Variants in CHCHD10 observed in about 807,000 individuals in gnomAD.
The protein encoded by CHCHD10 is coiled-coil-helix-coiled-coil-helix domain containing 10, also known as coiled-coil-helix-coiled-coil-helix domain-containing protein 10, mitochondrial.
A neutral mutation model predicts 14.8 loss-of-function variants in CHCHD10; 10 were observed. That is an observed-to-expected ratio of 0.67 (90% CI 0.42 to 1.14). CHCHD10 has a LOEUF of 1.14. Among genes scored for constraint, CHCHD10 ranks in the 50% most tolerant of loss-of-function variants. CHCHD10 has a pLI of 0.00. For synonymous variants in CHCHD10, 90 were observed against 85.2 expected (o/e 1.06, Z -0.31); for missense variants, 203 against 196.9 (o/e 1.03, Z -0.19).
At position 23,766,250 on chromosome 22, in the gene CHCHD10, G is replaced by T; in HGVS notation, c.287C>A (p.Pro96His). ...GTAGGCGCAGGGCCCCATCTGCAGG[G>T]GCTGGGGGGCAGCGGGGGTGGGGGC... ...QQAPTPAAPQ[P>H]LQMGPCAYEI... The change falls in exon 3 of 4, where the codon CCC becomes CAC. Residue 96 changes from proline (P) to histidine (H), a missense_variant. Coordinates refer to ENST00000484558, the MANE Select transcript of CHCHD10 (RefSeq NM_213720.3). The T allele has an allele frequency of 1.3e-6, 2 of 1,552,626 alleles. No homozygotes were observed. Among genetic ancestry groups the T allele is most frequent in the Non-Finnish European group, 1.7e-6 (2 of 1,148,780 alleles).
chr22:23,767,329 C>A, intron 2 of CHCHD10, 45 bp downstream of exon 2: 1 of 1,523,274 alleles, frequency 6.6e-7, no homozygotes, highest in East Asian at 2.3e-5. Flanking sequence ...CCCTGTGTGG[C>A]CTCGAGATAA....
At position 23,765,944 on chromosome 22, in the gene CHCHD10, T is replaced by C. The variant is rs1444736666; in HGVS notation, c.*63A>G. On this transcript the variant is annotated 3_prime_UTR_variant, in exon 4 of 4. Coordinates refer to ENST00000484558, the MANE Select transcript of CHCHD10 (RefSeq NM_213720.3). Reference sequence around the variant, plus strand: ...ATCTGGGTACAATCTGGTGTTGTGGTCTGGCTGTCGGCGAGGGGTAGAGGT... The same window carrying C: ...ATCTGGGTACAATCTGGTGTTGTGGCCTGGCTGTCGGCGAGGGGTAGAGGT... 40 of 1,611,098 alleles carry C rather than the reference T, an allele frequency of 2.5e-5. No individual in the cohort carries two copies. The highest frequency in any genetic ancestry group is 3.3e-5 in the Non-Finnish European group (39 of 1,178,404).
chr22:23,766,114 G>A lies in CHCHD10; in HGVS notation c.409+14C>T. The A allele has an allele frequency of 6.2e-7, 1 of 1,613,506 alleles. No homozygotes were observed. The highest frequency in any genetic ancestry group is 8.5e-7 in the Non-Finnish European group (1 of 1,179,722). ...TCTCCCCCTCCCCGCCTGAGTCGGG[G>A]TCCACTCACTCACCATGGTAGTACT... On this transcript the variant is annotated intron_variant, in intron 3 of 3. Coordinates refer to ENST00000484558, the MANE Select transcript of CHCHD10 (RefSeq NM_213720.3).
rs1569151523 is a variant in CHCHD10 at position 23,767,892 on chromosome 22, C to G, written c.-18G>C. ...CGAGGCATGGTGGCGGCGGTGGGAC[C>G]CGGGCGACCTTAGAGACGGCGGCAG... is the stretch of plus-strand genomic sequence containing the variant. On this transcript the variant is annotated 5_prime_UTR_variant, in exon 1 of 4. Coordinates refer to ENST00000484558, the MANE Select transcript of CHCHD10 (RefSeq NM_213720.3). 2 of 1,505,190 alleles carry G rather than the reference C, an allele frequency of 1.3e-6. No individual in the cohort carries two copies. Among genetic ancestry groups the G allele is most frequent in the South Asian group, 2.5e-5 (2 of 79,842 alleles). The allele number at this position is 1,505,190 out of a possible 1,614,324, so 93.2% of individuals were successfully genotyped here.
rs572584379 is a variant in CHCHD10, at chr22:23,766,619, A to T, written c.262-344T>A. On this transcript the variant is annotated intron_variant, in intron 2 of 3. Coordinates refer to ENST00000484558, the MANE Select transcript of CHCHD10 (RefSeq NM_213720.3). ...AGGCGCCCGCCACCATGCCCAACAA[A>T]TTTTTTGTATTTTTAGTAGAGAGGG... 1.5e-3 allele frequency among the ~76,000 whole-genome samples: 235 copies of T among 151,770 alleles called. 1 individual carries two copies. The highest frequency in any genetic ancestry group is 2.8e-3 in the Non-Finnish European group (192 of 67,912).
chr22:23,766,299 G>A (rs1384941982), intron 2 of CHCHD10, 24 bp from the exon 3 acceptor site: 22 of 1,536,646 alleles, frequency 1.4e-5, no homozygotes, highest in Non-Finnish European at 1.8e-5. Context: ...GCAAGAGGCT[G>A]CAGGATCAGC....
chr22:23,767,483 G>T lies in CHCHD10; in HGVS notation c.152C>A (p.Thr51Lys). Reference sequence around the variant, plus strand: ...CGAGCCCACGGCTACCCCTGCGGCCGTGGTCGCCATCTGAGCCATGAGCCC... The same window carrying T: ...CGAGCCCACGGCTACCCCTGCGGCCTTGGTCGCCATCTGAGCCATGAGCCC... ...QPGLMAQMAT[T>K]AAGVAVGSAV... The change falls in exon 2 of 4, where the codon ACG becomes AAG. Residue 51 changes from threonine to lysine, a missense_variant. By Grantham distance (78) the Thr-to-Lys change is moderately conservative. Coordinates refer to ENST00000484558, the MANE Select transcript of CHCHD10 (RefSeq NM_213720.3). The T allele has an allele frequency of 6.3e-7, 1 of 1,579,694 alleles. No individual in the cohort carries two copies. The highest frequency in any genetic ancestry group is 8.6e-7 in the Non-Finnish European group (1 of 1,164,908).
rs762151939 is a variant in CHCHD10, at chr22:23,766,027, C to G, written c.410-1G>C. On this transcript the variant is annotated splice_acceptor_variant, in intron 3 of 3. Transcript: ENST00000484558. LOFTEE classifies it high-confidence loss of function. ...CCTCTTCAGGGCAGGGAGCTCAGAC[C>G]TGGGAAGGGAGGGGCAGCACAGGCT... 7 of 1,613,762 alleles carry G rather than the reference C, an allele frequency of 4.3e-6. No homozygotes were observed. In the South Asian group the frequency reaches 6.6e-5, roughly 15 times the overall value.
At position 23,767,586 on chromosome 22, in the gene CHCHD10, C is replaced by T; in HGVS notation, c.49G>A (p.Ala17Thr). ...SAASRPASRP[A>T]APSAHPPAHP... ...GCGGGCGGGTGGGCAGAGGGCGCGG[C>T]TGGGCGGCTGCGGGGGTGGGAGGAA... is the stretch of plus-strand genomic sequence containing the variant. The change falls in exon 2 of 4, where the codon GCC (alanine) becomes ACC (threonine). Residue 17 changes from alanine (A) to threonine (T), a missense_variant. Transcript: ENST00000484558. The T allele has an allele frequency of 9.7e-7, 1 of 1,034,202 alleles. No individual in the cohort carries two copies. The highest frequency in any genetic ancestry group is 3.3e-5 in the East Asian group (1 of 30,436). The allele number at this position is 1,034,202 out of a possible 1,614,324, so 64.1% of individuals were successfully genotyped here.
At chr22:23,766,073 A>C (rs1477649044) in intron 3 of CHCHD10, 47 bp from the exon 4 acceptor site, 1 of 1,612,856 alleles carries the variant, frequency 6.2e-7, no homozygotes, top group Non-Finnish European at 8.5e-7. Context: ...CTGCAGGTGC[A>C]AGAGGAGGGT....
At position 23,765,887 on chromosome 22, in the gene CHCHD10, G is replaced by A; in HGVS notation, c.*120C>T. 1 of 1,563,812 alleles carries A rather than the reference G, an allele frequency of 6.4e-7. No homozygotes were observed. The highest frequency in any genetic ancestry group is 1.1e-5 in the South Asian group (1 of 88,242). ...CATTTGTGTCTTGGGTTATCTGTGG[G>A]GTGAGAAACCTCCTCACTTCCAATC... On this transcript the variant is annotated 3_prime_UTR_variant, in exon 4 of 4. Transcript: ENST00000484558.
chr22:23,766,277 T>G lies in CHCHD10; in HGVS notation c.262-2A>C. ...CTGGGGGGCAGCGGGGGTGGGGGCCTGGGGGTACAGTGCAAGAGGCTGCAG... is the reference window on the plus strand; with the variant it reads ...CTGGGGGGCAGCGGGGGTGGGGGCCGGGGGGTACAGTGCAAGAGGCTGCAG... On this transcript the variant is annotated splice_acceptor_variant, in intron 2 of 3. Transcript: ENST00000484558. LOFTEE classifies it high-confidence loss of function. The G allele has an allele frequency of 1.3e-6, 2 of 1,544,928 alleles. No individual in the cohort carries two copies. The highest frequency in any genetic ancestry group is 8.7e-7 in the Non-Finnish European group (1 of 1,145,184).
chr22:23,767,076 AGGGTGAGGTGACCTT>A (rs1926891044), intron 2 of CHCHD10, among the ~76,000 whole-genome samples: 2 of 152,292 alleles, frequency 1.3e-5, no homozygotes, highest in Admixed American at 1.3e-4. Flanking sequence ...CCCCTCTGCT[AGGGTGAGGTGACCTT>A]GGGCGAGTCT....
At position 23,767,517 on chromosome 22, in the gene CHCHD10, C is replaced by T; in HGVS notation, c.118G>A (p.Gly40Ser). The T allele has an allele frequency of 6.6e-7, 1 of 1,513,030 alleles. No individual in the cohort carries two copies. The highest frequency in any genetic ancestry group is 2.3e-4 in the Middle Eastern group (1 of 4,268). The allele number at this position is 1,513,030 out of a possible 1,614,324, so 93.7% of individuals were successfully genotyped here. A position where few individuals can be genotyped will look rare whatever the true frequency, so the allele number is the denominator to read the frequency against. ...SAAAPAPAPSGQPGLMAQMAT... is the reference protein window; with the variant it reads ...SAAAPAPAPSSQPGLMAQMAT... ...ATCTGAGCCATGAGCCCCGGCTGGC[C>T]CGAAGGGGCGGGGGCTGGGGCGGCT... Residue 40 changes from glycine to serine, a missense_variant, in exon 2 of 4, where the codon GGC (glycine) becomes AGC (serine). By Grantham distance (56) the Gly-to-Ser change is moderately conservative. Transcript: ENST00000484558.
At chr22:23,766,957 A>G (rs1179094121) in intron 2 of CHCHD10, among the ~76,000 whole-genome samples, 1 of 152,194 alleles carries the variant, frequency 6.6e-6, no homozygotes, top group African/African-American at 2.4e-5. Flanking sequence ...GGTTCCTAGC[A>G]GGGGAAAGGT....
intron 2 of CHCHD10, 80 bp from the exon 3 acceptor site, chr22:23,766,355 C>T: frequency 7.7e-7 from 1 of 1,295,712 alleles, no homozygotes; most frequent in Non-Finnish European, 1.1e-6. Context: ...GGGCCACCTG[C>T]CCCTCCCCAC....
chr22:23,766,449 GCC>G, intron 2 of CHCHD10, 174 bp from the exon 3 acceptor site: 2 of 525,910 alleles, frequency 3.8e-6, no homozygotes, highest in South Asian at 5.0e-5. Context: ...TGTTTCTGCT[GCC>G]TTTTTTTTTT....
Position 23,767,524 on chromosome 22 carries a change from G to A in CHCHD10, c.111C>T (p.Ala37=). Residue 37 remains alanine (A), a synonymous_variant, in exon 2 of 4, where the codon GCC becomes GCT. Transcript: ENST00000484558. The stretch of plus-strand genomic sequence containing the variant: ...CCATGAGCCCCGGCTGGCCCGAAGG[G>A]GCGGGGGCTGGGGCGGCTGCCGAGG... ...PPPSAAAPAP[A]PSGQPGLMAQ... is the part of the protein sequence containing the mutation. The A allele has an allele frequency of 6.7e-7, 1 of 1,489,396 alleles. No individual in the cohort carries two copies. Among genetic ancestry groups the A allele is most frequent in the Non-Finnish European group, 8.9e-7 (1 of 1,119,652 alleles). 92.3% of individuals were successfully genotyped at this position (1,489,396 alleles called of 1,614,324 possible). A position where few individuals can be genotyped will look rare whatever the true frequency, so the allele number is the denominator to read the frequency against.
intron 2 of CHCHD10, chr22:23,766,545 C>A: frequency 2.6e-6 from 1 of 391,362 alleles, no homozygotes; most frequent in South Asian, 3.8e-5. Context: ...CTCCGCCTCC[C>A]GGGTTCAAGT....
Sources: allele counts gnomAD v4.1 joint callset (sites outside exome capture counted in the v4.1 genomes callset), GRCh38; gene constraint gnomAD v4.1.1; transcripts MANE v1.5; gene names NCBI Gene and HGNC (gene_info 2026-07-23, HGNC 2026-07-21).